MTFP1: variants seen among roughly 807,000 people sequenced by gnomAD.
MTFP1 encodes the protein mitochondrial fission process protein 1.
In MTFP1, 19 loss-of-function variants were observed where a neutral mutation model predicts 17.1. The ratio of observed to expected loss-of-function variants is 1.11; its 90% CI spans 0.77 to 1.63. The LOEUF is 1.63. MTFP1 is among the 40% of genes most tolerant of loss of function. The pLI, the probability that MTFP1 is intolerant of heterozygous loss-of-function variation, is 0.00. For synonymous variants in MTFP1, 89 were observed against 95.2 expected (o/e 0.93, Z 0.38); for missense variants, 221 against 226.2 (o/e 0.98, Z 0.15).
Position 30,428,757 on chromosome 22 carries a change from G to T in MTFP1, c.*223G>T. The T allele has an allele frequency of 7.3e-7, 1 of 1,375,312 alleles. No individual in the cohort carries two copies. The allele number at this position is 1,375,312 out of a possible 1,614,324, so 85.2% of individuals were successfully genotyped here. On this transcript the variant is annotated 3_prime_UTR_variant, in exon 4 of 4. Transcript: ENST00000266263. ...CGCTGTCTGCTTCCCTGGAATCCAA[G>T]ATGCTGAGTGGAAGTGGACCCTGGG...
chr22:30,428,614 T>C lies in MTFP1; in HGVS notation c.*80T>C. 1 of 1,614,196 alleles carries C rather than the reference T, an allele frequency of 6.2e-7. No individual in the cohort carries two copies. Among genetic ancestry groups the C allele is most frequent in the Non-Finnish European group, 8.5e-7 (1 of 1,180,016 alleles). The stretch of plus-strand genomic sequence containing the variant: ...ACTCCTGCCAGGGAATGTGGACACC[T>C]GGCTCCCTGGTGTCCAAAGACCCTG... On this transcript the variant is annotated 3_prime_UTR_variant, in exon 4 of 4. Coordinates refer to ENST00000266263, the MANE Select transcript of MTFP1 (RefSeq NM_016498.5).
intron 1 of MTFP1, among the ~76,000 whole-genome samples, chr22:30,426,308 A>C (rs903398360): frequency 2.0e-5 from 3 of 152,128 alleles, no homozygotes; most frequent in African/African-American, 7.2e-5. Flanking sequence ...AACGAGATAC[A>C]CACGAGGGCC....
chr22:30,428,767 G>A lies in MTFP1; in HGVS notation c.*233G>A. On this transcript the variant is annotated 3_prime_UTR_variant, in exon 4 of 4. Transcript: ENST00000266263. ...TTCCCTGGAATCCAAGATGCTGAGTGGAAGTGGACCCTGGGTGGGCCCGGC... is the reference window on the plus strand; with the variant it reads ...TTCCCTGGAATCCAAGATGCTGAGTAGAAGTGGACCCTGGGTGGGCCCGGC... 7.8e-7 allele frequency: 1 copy of A among 1,275,446 alleles called. No individual in the cohort carries two copies. Among genetic ancestry groups the A allele is most frequent in the Non-Finnish European group, 1.1e-6 (1 of 888,342 alleles). 79.0% of individuals were successfully genotyped at this position (1,275,446 alleles called of 1,614,324 possible). A position where few individuals can be genotyped will look rare whatever the true frequency, so the allele number is the denominator to read the frequency against.
rs557188687 is a variant in MTFP1 at position 30,427,075 on chromosome 22, A to C, written c.196-96A>C. 2,535 of 1,443,012 alleles carry C rather than the reference A, an allele frequency of 1.8e-3. 8 individuals are homozygous for C. The highest frequency in any genetic ancestry group is 2.2e-3 in the Non-Finnish European group (2,303 of 1,026,736). The allele number at this position is 1,443,012 out of a possible 1,614,324, so 89.4% of individuals were successfully genotyped here. On this transcript the variant is annotated intron_variant, in intron 2 of 3. Coordinates refer to ENST00000266263, the MANE Select transcript of MTFP1 (RefSeq NM_016498.5). Reference sequence around the variant, plus strand: ...CCCACTCCTGGGTGCGGACAAGTCCACTGGCCACTTGCCCCTCCCGGTCTA... The same window carrying C: ...CCCACTCCTGGGTGCGGACAAGTCCCCTGGCCACTTGCCCCTCCCGGTCTA...
intron 3 of MTFP1, among the ~76,000 whole-genome samples, chr22:30,427,657 C>T (rs951685023): frequency 1.3e-5 from 2 of 152,122 alleles, no homozygotes; most frequent in South Asian, 2.1e-4. Context: ...CAAGTAAATT[C>T]CCAGAAAGAA....
intron 2 of MTFP1, 126 bp from the exon 3 acceptor site, chr22:30,427,045 T>G (rs1391496699): frequency 7.4e-7 from 1 of 1,351,972 alleles, no homozygotes; most frequent in African/African-American, 1.4e-5. Context: ...TGTGGCAGAC[T>G]GTACCCCACT....
intron 3 of MTFP1, among the ~76,000 whole-genome samples, chr22:30,427,805 G>T (rs1314370369): frequency 1.3e-5 from 2 of 152,164 alleles, no homozygotes; most frequent in Admixed American, 6.5e-5. Context: ...CCAGGGCTGT[G>T]TTGCATTCAG....
chr22:30,426,528 C>T (rs937885627), intron 1 of MTFP1, among the ~76,000 whole-genome samples, 189 bp from the exon 2 acceptor site: 1 of 152,164 alleles, frequency 6.6e-6, no homozygotes, highest in Non-Finnish European at 1.5e-5. Flanking sequence ...AGTCCGCCCT[C>T]AGTGGCCCGA....
At chr22:30,428,374 C>A in intron 3 of MTFP1, 88 bp from the exon 4 acceptor site, 2 of 1,117,554 alleles carry the variant, frequency 1.8e-6, no homozygotes, top group Non-Finnish European at 1.3e-6. Flanking sequence ...TGCATCTAAG[C>A]GCCCCTTTCC....
chr22:30,427,554 G>T, intron 3 of MTFP1, 151 bp downstream of exon 3: 1 of 815,628 alleles, frequency 1.2e-6, no homozygotes, highest in South Asian at 1.6e-5. Context: ...TGGCTCCTGG[G>T]TTAGAAAGGA....
intron 1 of MTFP1, among the ~76,000 whole-genome samples, chr22:30,426,272 A>G (rs1476511099): frequency 6.6e-6 from 1 of 152,158 alleles, no homozygotes; most frequent in Non-Finnish European, 1.5e-5. Flanking sequence ...CTCCTCGGCA[A>G]AAAAACAAAA....
Position 30,428,820 on chromosome 22 carries a change from T to G in MTFP1, c.*286T>G. 1 of 707,908 alleles carries G rather than the reference T, an allele frequency of 1.4e-6. No homozygotes were observed. Among genetic ancestry groups the G allele is most frequent in the Admixed American group, 2.6e-5 (1 of 38,004 alleles). 43.9% of individuals were successfully genotyped at this position (707,908 alleles called of 1,614,324 possible). ...TGTCTTTTTCAGGAAAATTACATCC[T>G]CCCATGGAGGATGAGAGACTGAGGC... On this transcript the variant is annotated 3_prime_UTR_variant, in exon 4 of 4. Coordinates refer to ENST00000266263, the MANE Select transcript of MTFP1 (RefSeq NM_016498.5).
chr22:30,426,659 T>C, intron 1 of MTFP1, 58 bp from the exon 2 acceptor site: 1 of 1,602,018 alleles, frequency 6.2e-7, no homozygotes, highest in South Asian at 1.1e-5. Context: ...ACCAGCCTGC[T>C]CCAACGCCCC....
chr22:30,426,612 A>T (rs1339756270), intron 1 of MTFP1, 105 bp from the exon 2 acceptor site: 2 of 1,456,648 alleles, frequency 1.4e-6, no homozygotes, highest in Non-Finnish European at 1.9e-6. Flanking sequence ...CACTTGCCTA[A>T]GGTCACCCAG....
At position 30,427,217 on chromosome 22, in the gene MTFP1, TG is replaced by T. The variant is rs778984062; in HGVS notation, c.244del (p.Val82TrpfsTer9). 1.9e-6 allele frequency: 3 copies of T among 1,613,982 alleles called. No homozygotes were observed. In the South Asian group the frequency reaches 3.3e-5, roughly 18 times the overall value. On this transcript the variant is annotated frameshift_variant, in exon 3 of 4. Coordinates refer to ENST00000266263, the MANE Select transcript of MTFP1 (RefSeq NM_016498.5). LOFTEE classifies it high-confidence loss of function. ...CGCAGCGCCAGGGTGACTGTGGCTG[TG>T]GTGGACACCTTTGTATGGCAGGCTC... Reference protein sequence around the residue: ...AGRSARVTVAVVDTFVWQALA... With the variant: ...AGRSARVTVAXVDTFVWQALA...
In MTFP1 at chr22:30,425,901, G is replaced by A; in HGVS notation, c.22G>A (p.Gly8Ser). ...AGTCATGTCAGAGCCGCAGCCGCGG[G>A]GCGCAGAGCGCGATCTCTACCGGGA... Reference protein sequence around the residue: MSEPQPRGAERDLYRDTW... With the variant: MSEPQPRSAERDLYRDTW... Residue 8 changes from glycine (G) to serine (S), a missense_variant, in exon 1 of 4, where the codon GGC becomes AGC. Gly to Ser is a moderately conservative substitution (Grantham distance 56). Transcript: ENST00000266263. 1 of 1,533,576 alleles carries A rather than the reference G, an allele frequency of 6.5e-7. No homozygotes were observed. Among genetic ancestry groups the A allele is most frequent in the Non-Finnish European group, 8.8e-7 (1 of 1,140,864 alleles). 95.0% of individuals were successfully genotyped at this position (1,533,576 alleles called of 1,614,324 possible).
chr22:30,428,819 C>T lies in MTFP1; in HGVS notation c.*285C>T. The T allele has an allele frequency of 1.4e-6, 1 of 723,090 alleles. No individual in the cohort carries two copies. The highest frequency in any genetic ancestry group is 2.5e-5 in the Admixed American group (1 of 39,254). The allele number at this position is 723,090 out of a possible 1,614,324, so 44.8% of individuals were successfully genotyped here. A position where few individuals can be genotyped will look rare whatever the true frequency, so the allele number is the denominator to read the frequency against. ...CTGTCTTTTTCAGGAAAATTACATC[C>T]TCCCATGGAGGATGAGAGACTGAGG... On this transcript the variant is annotated 3_prime_UTR_variant, in exon 4 of 4. Transcript: ENST00000266263.
Position 30,427,310 on chromosome 22 carries a change from G to C in MTFP1, c.335G>C (p.Gly112Ala). ...RVCAASLYVLGTATRWPLAVR... is the reference protein window; with the variant it reads ...RVCAASLYVLATATRWPLAVR... ...TGTGCTGCCTCTCTCTATGTCCTGG[G>C]CACTGCCACCCGCTGGCCCCTGGCT... is the stretch of plus-strand genomic sequence containing the variant. Residue 112 changes from glycine to alanine, a missense_variant, in exon 3 of 4, where the codon GGC becomes GCC. Coordinates refer to ENST00000266263, the MANE Select transcript of MTFP1 (RefSeq NM_016498.5). The C allele has an allele frequency of 1.2e-6, 2 of 1,614,104 alleles. No individual in the cohort carries two copies. The highest frequency in any genetic ancestry group is 1.7e-6 in the Non-Finnish European group (2 of 1,180,044).
Position 30,428,612 on chromosome 22 carries a change from C to T in MTFP1, c.*78C>T, listed in dbSNP as rs961206592. 1 of 1,614,174 alleles carries T rather than the reference C, an allele frequency of 6.2e-7. No individual in the cohort carries two copies. The highest frequency in any genetic ancestry group is 8.5e-7 in the Non-Finnish European group (1 of 1,180,020). On this transcript the variant is annotated 3_prime_UTR_variant, in exon 4 of 4. Transcript: ENST00000266263. ...CTACTCCTGCCAGGGAATGTGGACA[C>T]CTGGCTCCCTGGTGTCCAAAGACCC...
Sources: gnomAD v4.1 joint callset for allele counts (sites outside exome capture counted in the v4.1 genomes callset) on GRCh38, gnomAD v4.1.1 for gene constraint, MANE v1.5 for transcripts, NCBI Gene and HGNC (gene_info 2026-07-23, HGNC 2026-07-21) for gene names.